TPR: variants seen among roughly 807,000 people sequenced by gnomAD.
TPR encodes the protein translocated promoter region, nuclear basket protein.
TPR carries 51 observed loss-of-function variants against 316.1 expected under a neutral mutation model. The observed-to-expected ratio is 0.16, with a 90% confidence interval of 0.13 to 0.20. The LOEUF (loss-of-function observed/expected upper bound fraction) is 0.20. Among genes scored for constraint, TPR ranks in the 10% least tolerant of loss-of-function variants. The pLI is 1.00. For synonymous variants in TPR, 981 were observed against 914.7 expected, an observed-to-expected ratio of 1.07 and a Z score of -1.31; for missense variants, 2,272 against 2,754.8, an observed-to-expected ratio of 0.82 and a Z score of 3.92.
chr1:186,362,208 A>G (rs1659214454), intron 7 of TPR, 80 bp downstream of exon 7: 8 of 1,207,316 alleles, frequency 6.6e-6, no homozygotes, highest in Non-Finnish European at 9.6e-6. Context: ...CAGATTAAAA[A>G]ATGACATCAT....
rs1658501804 is a variant in TPR, at chr1:186,341,380, T to C, written c.3760A>G (p.Lys1254Glu). ...AEREKVQVTA[K>E]TMAQHEELMK... Reference sequence around the variant, plus strand: ...AGTTCTTCATGCTGAGCCATTGTTTTTGCAGTTACCTAAACATTTCAAATA... The same window carrying C: ...AGTTCTTCATGCTGAGCCATTGTTTCTGCAGTTACCTAAACATTTCAAATA... Residue 1254 changes from lysine to glutamate, a missense_variant, in exon 28 of 51, where the codon AAA becomes GAA. Lys to Glu is a moderately conservative substitution (Grantham distance 56, BLOSUM62 1). Transcript: ENST00000367478. 6.2e-7 allele frequency: 1 copy of C among 1,612,686 alleles called. No homozygotes were observed. Among genetic ancestry groups the C allele is most frequent in the Non-Finnish European group, 8.5e-7 (1 of 1,179,872 alleles).
chr1:186,343,734 TAA>T (rs1389011217), intron 26 of TPR, among the ~76,000 whole-genome samples, 170 bp downstream of exon 26: 1 of 152,222 alleles, frequency 6.6e-6, no homozygotes, highest in Non-Finnish European at 1.5e-5. Context: ...GATTCAACTT[TAA>T]AGTCACTTGT....
At position 186,312,166 on chromosome 1, in the gene TPR, A is replaced by T. The variant is rs1346578512; in HGVS notation, c.*1805T>A. The T allele has an allele frequency of 3.1e-6, 5 of 1,612,270 alleles. No homozygotes were observed. On this transcript the variant is annotated 3_prime_UTR_variant, in exon 51 of 51. Transcript: ENST00000367478. ...TTCATTTTCCATGTGATATTCTAATACATAACAGGTGGCAGCATTCAGCAG... is the reference window on the plus strand; with the variant it reads ...TTCATTTTCCATGTGATATTCTAATTCATAACAGGTGGCAGCATTCAGCAG...
At chr1:186,366,344 T>C (rs1021892368) in intron 4 of TPR, among the ~76,000 whole-genome samples, 5 of 152,216 alleles carry the variant, frequency 3.3e-5, no homozygotes, top group Non-Finnish European at 7.3e-5. Context: ...TTCTCTTCCT[T>C]ATGATTTTCT....
chr1:186,369,019 C>T (rs1659428578), intron 3 of TPR, among the ~76,000 whole-genome samples: 1 of 152,202 alleles, frequency 6.6e-6, no homozygotes, highest in African/African-American at 2.4e-5. Flanking sequence ...ATCACAACTC[C>T]ATTGGGTCTT....
In TPR at chr1:186,351,226, G is replaced by A. The variant is rs1658852480; in HGVS notation, c.2610+104C>T. ...GAGGCAAGAAAAACTTAGTAACAAA[G>A]TTTTTCAAAATCATGCTTCATCTTG... On this transcript the variant is annotated intron_variant, in intron 20 of 50. Transcript: ENST00000367478. 5.2e-6 allele frequency: 7 copies of A among 1,352,742 alleles called. No homozygotes were observed. In the Admixed American group the frequency reaches 1.4e-4, roughly 27 times the overall value. The allele number at this position is 1,352,742 out of a possible 1,614,324, so 83.8% of individuals were successfully genotyped here. A position where few individuals can be genotyped will look rare whatever the true frequency, so the allele number is the denominator to read the frequency against.
chr1:186,346,348 T>C (rs1031629844), intron 22 of TPR, 61 bp from the exon 23 acceptor site: 9 of 1,466,388 alleles, frequency 6.1e-6, no homozygotes, highest in Non-Finnish European at 6.4e-6. Flanking sequence ...CATACAATTA[T>C]TTTCTCCAAA....
intron 29 of TPR, 25 bp from the exon 30 acceptor site, chr1:186,339,797 G>C (rs1254096514): frequency 3.2e-6 from 5 of 1,539,568 alleles, no homozygotes; most frequent in Non-Finnish European, 4.4e-6. Flanking sequence ...ATGCATACTT[G>C]ATTTTTTTAG....
chr1:186,333,473 A>G (rs1322194828), intron 36 of TPR, 79 bp from the exon 37 acceptor site: 1 of 1,534,508 alleles, frequency 6.5e-7, no homozygotes, highest in Non-Finnish European at 8.8e-7. Flanking sequence ...TCTGTGGTAC[A>G]TGTCACCTTT....
Position 186,344,057 on chromosome 1 carries a change from C to G in TPR, c.3451G>C (p.Asp1151His). ...AGTAATCTGTTTTGTTTCTCCAGAT[C>G]TTCACAGCGACATACACATTTGGAA... The part of the protein sequence containing the change: ...EVSKCVCRCE[D>H]LEKQNRLLHD... Residue 1151 changes from aspartate to histidine, a missense_variant, in exon 26 of 51, where the codon GAT becomes CAT. By Grantham distance (81) the Asp-to-His change is moderately conservative. Transcript: ENST00000367478. 1.2e-6 allele frequency: 2 copies of G among 1,614,006 alleles called. No individual in the cohort carries two copies. Among genetic ancestry groups the G allele is most frequent in the Non-Finnish European group, 1.7e-6 (2 of 1,179,972 alleles).
intron 49 of TPR, among the ~76,000 whole-genome samples, chr1:186,316,058 C>T (rs192522754): frequency 2.6e-5 from 4 of 151,526 alleles, no homozygotes; most frequent in East Asian, 3.9e-4. Context: ...TTAAAGACAT[C>T]GTAATTTCAT....
chr1:186,337,920 A>G, intron 31 of TPR, 113 bp downstream of exon 31: 1 of 845,034 alleles, frequency 1.2e-6, no homozygotes. Flanking sequence ...GATATCATAT[A>G]TGCTTACACG....
At chr1:186,340,317 A>C (rs1180933371) in intron 29 of TPR, among the ~76,000 whole-genome samples, 1 of 152,202 alleles carries the variant, frequency 6.6e-6, no homozygotes, top group African/African-American at 2.4e-5. Context: ...TGTTTGAATA[A>C]AGGGCTGGAG....
chr1:186,321,095 C>T (rs888196418), intron 45 of TPR, among the ~76,000 whole-genome samples: 12 of 152,234 alleles, frequency 7.9e-5, no homozygotes, highest in African/African-American at 2.6e-4. Context: ...AGTGAAAATG[C>T]TGTTGATTGC....
rs1657414905 is a variant in TPR at position 186,313,188 on chromosome 1, T to A, written c.*783A>T. The A allele has an allele frequency of 2.3e-6, 1 of 439,428 alleles. No homozygotes were observed. Among genetic ancestry groups the A allele is most frequent in the African/African-American group, 2.0e-5 (1 of 51,136 alleles). 27.2% of individuals were successfully genotyped at this position (439,428 alleles called of 1,614,324 possible). On this transcript the variant is annotated 3_prime_UTR_variant, in exon 51 of 51. Transcript: ENST00000367478. The stretch of plus-strand genomic sequence containing the variant: ...TCTATCATTTGTGGCATTTAACAGA[T>A]ACCTTGTTTGGCACAAGGTTATAAT...
intron 22 of TPR, among the ~76,000 whole-genome samples, chr1:186,346,698 G>A (rs1399442838): frequency 2.0e-5 from 3 of 151,550 alleles, no homozygotes; most frequent in East Asian, 1.9e-4. Context: ...AAATGAACAC[G>A]GTATCTTCCA....
chr1:186,362,342 T>C lies in TPR; in HGVS notation c.735A>G (p.Thr245=), dbSNP rs1177652078. 1.9e-6 allele frequency: 3 copies of C among 1,612,446 alleles called. No homozygotes were observed. Among genetic ancestry groups the C allele is most frequent in the Middle Eastern group, 1.7e-4 (1 of 6,052 alleles). ...RLEEQMNGLK[T]SNEHLQKHVE... ...CATGCTTTTGAAGATGTTCATTTGATGTTTTTAAGCCATTCATTTGTTCTT... is the reference window on the plus strand; with the variant it reads ...CATGCTTTTGAAGATGTTCATTTGACGTTTTTAAGCCATTCATTTGTTCTT... Residue 245 remains threonine (T), a synonymous_variant, in exon 7 of 51, where the codon ACA becomes ACG. Transcript: ENST00000367478.
chr1:186,343,993 G>A lies in TPR; in HGVS notation c.3515C>T (p.Ala1172Val). Residue 1172 changes from alanine (A) to valine (V), a missense_variant, in exon 26 of 51, where the codon GCC becomes GTC. Transcript: ENST00000367478. ...ACCTTGTACACCTTCCTTCACAGAGGCAACGACCTTGTCACTTAATTTTTC... is the reference window on the plus strand; with the variant it reads ...ACCTTGTACACCTTCCTTCACAGAGACAACGACCTTGTCACTTAATTTTTC... Reference protein sequence around the residue: ...QIEKLSDKVVASVKEGVQGPL... With the variant: ...QIEKLSDKVVVSVKEGVQGPL... The A allele has an allele frequency of 1.2e-6, 2 of 1,614,098 alleles. No individual in the cohort carries two copies. Among genetic ancestry groups the A allele is most frequent in the East Asian group, 2.2e-5 (1 of 44,868 alleles).
chr1:186,347,462 A>T lies in TPR; in HGVS notation c.2777-4T>A. On this transcript the variant is annotated splice_polypyrimidine_tract_variant and splice_region_variant and intron_variant, in intron 21 of 50. Coordinates refer to ENST00000367478, the MANE Select transcript of TPR (RefSeq NM_003292.3). Reference sequence around the variant, plus strand: ...TCTTCTTTGTTGCTAGGCTGACCTAAAAGACATAACAGCTCTGTTAAAATT... The same window carrying T: ...TCTTCTTTGTTGCTAGGCTGACCTATAAGACATAACAGCTCTGTTAAAATT... 2.5e-6 allele frequency: 4 copies of T among 1,613,394 alleles called. No homozygotes were observed. The highest frequency in any genetic ancestry group is 3.4e-6 in the Non-Finnish European group (4 of 1,179,764).
Sources: allele counts gnomAD v4.1 joint callset (sites outside exome capture counted in the v4.1 genomes callset), GRCh38; gene constraint gnomAD v4.1.1; transcripts MANE v1.5; gene names NCBI Gene and HGNC (gene_info 2026-07-23, HGNC 2026-07-21).